WDR90: variants seen among roughly 807,000 people sequenced by gnomAD.
The protein encoded by WDR90 is WD repeat-containing protein 90.
WDR90 carries 238 observed loss-of-function variants against 195.2 expected under a neutral mutation model. The observed-to-expected ratio is 1.22, with a 90% CI of 1.10 to 1.36. The LOEUF (loss-of-function observed/expected upper bound fraction) is 1.36. WDR90 is among the 40% of genes most tolerant of loss of function. The probability of loss-of-function intolerance (pLI) is 0.00; values close to 1 mark genes in which losing one functional copy is unlikely to be tolerated. For synonymous variants in WDR90, 1,265 were observed against 1,052.4 expected, an observed-to-expected ratio of 1.20 and a Z score of -3.91; for missense variants, 2,734 against 2,439.5, an observed-to-expected ratio of 1.12 and a Z score of -2.54.
chr16:658,431 TG>T, intron 22 of WDR90, 87 bp downstream of exon 22: 7 of 1,576,632 alleles, frequency 4.4e-6, no homozygotes, highest in Non-Finnish European at 6.1e-6. Flanking sequence ...TCCAGCTGGG[TG>T]GGGGGCCGTC....
chr16:652,177 T>C, intron 9 of WDR90, 138 bp downstream of exon 9: 1 of 1,103,222 alleles, frequency 9.1e-7, no homozygotes, highest in Admixed American at 2.5e-5. Context: ...GGAGCAGAGC[T>C]GGCGGGAGGC....
chr16:663,647 T>A (rs2037963564), intron 34 of WDR90: 1 of 154,068 alleles, frequency 6.5e-6, no homozygotes. Context: ...AGCTCTGGCC[T>A]GCAGCCTCCT....
In WDR90 at chr16:649,981, G is replaced by A. The variant is rs1245883873; in HGVS notation, c.103-10G>A. 2 of 1,611,392 alleles carry A rather than the reference G, an allele frequency of 1.2e-6. No homozygotes were observed. The highest frequency in any genetic ancestry group is 1.7e-6 in the Non-Finnish European group (2 of 1,179,054). On this transcript the variant is annotated splice_polypyrimidine_tract_variant and intron_variant, in intron 2 of 40. Transcript: ENST00000293879. ...GGTGCTGTCGGTGATGCGGGCTCCC[G>A]CTTCTCCAGGACAAGACCCTGAAGG...
upstream of WDR90, chr16:649,246 G>A: frequency 1.4e-6 from 1 of 715,534 alleles, no homozygotes. Flanking sequence ...GGAGGCCGCT[G>A]ACGTGAGCGG....
rs967363621 is a variant in WDR90 at position 660,298 on chromosome 16, A to G, written c.3288+137A>G. On this transcript the variant is annotated intron_variant, in intron 27 of 40. Transcript: ENST00000293879. ...TGGCCCTTGGGCGCCTGTCCCCTGG[A>G]GGCAACTTCATCCCACACCCCCACC... 7 of 805,244 alleles carry G rather than the reference A, an allele frequency of 8.7e-6. No individual in the cohort carries two copies. The African/African-American group carries it at 1.0e-4, about 12-fold the overall frequency. 49.9% of individuals were successfully genotyped at this position (805,244 alleles called of 1,614,324 possible). A position where few individuals can be genotyped will look rare whatever the true frequency, so the allele number is the denominator to read the frequency against.
chr16:665,840 C>T, intron 35 of WDR90, 39 bp downstream of exon 35: 1 of 1,557,096 alleles, frequency 6.4e-7, no homozygotes, highest in Non-Finnish European at 8.7e-7. Flanking sequence ...GGGATGGGGG[C>T]CTGCTCAGTG....
Position 665,593 on chromosome 16 carries a change from G to A in WDR90, c.4312-86G>A, listed in dbSNP as rs1431185763. 3 of 1,603,462 alleles carry A rather than the reference G, an allele frequency of 1.9e-6. No homozygotes were observed. In the African/African-American group the frequency reaches 4.0e-5, roughly 21 times the overall value. ...CACATGCTCTGGTTTGGACAGCCCG[G>A]CCCTGGGGGCTGGAATAGGAAATGC... On this transcript the variant is annotated intron_variant, in intron 34 of 40. Coordinates refer to ENST00000293879, the MANE Select transcript of WDR90 (RefSeq NM_145294.5).
Position 655,699 on chromosome 16 carries a change from C to T in WDR90, c.1845C>T (p.Ser615=). 1 of 1,592,726 alleles carries T rather than the reference C, an allele frequency of 6.3e-7. No homozygotes were observed. Among genetic ancestry groups the T allele is most frequent in the Non-Finnish European group, 8.6e-7 (1 of 1,169,356 alleles). The change falls in exon 16 of 41, where the codon AGC becomes AGT. Residue 615 remains serine, a synonymous_variant. Transcript: ENST00000293879. ...GGPHPQKQTF[S]SGPGIAISSL... ...CCCACCCACAGAAGCAGACCTTCAG[C>T]TCAGGTAAGAGGGCGCCCACCACGT...
At chr16:651,599 G>A in intron 7 of WDR90, 45 bp from the exon 8 acceptor site, 2 of 1,589,832 alleles carry the variant, frequency 1.3e-6, no homozygotes. Context: ...CCAGGCATCT[G>A]CACAGCTGGC....
At chr16:656,130 C>G (rs2037748636) in intron 17 of WDR90, 172 bp from the exon 18 acceptor site, 1 of 768,312 alleles carries the variant, frequency 1.3e-6, no homozygotes, top group Non-Finnish European at 2.1e-6. Flanking sequence ...CAGCCTGGGT[C>G]CCGCCTAGCC....
intron 13 of WDR90, chr16:654,241 G>T (rs538229570): frequency 3.3e-5 from 6 of 183,358 alleles, no homozygotes; most frequent in African/African-American, 1.4e-4. Flanking sequence ...ACCTAGGCTG[G>T]AATGCAGTGG....
chr16:656,179 G>T (rs1176069213), intron 17 of WDR90, 123 bp from the exon 18 acceptor site: 1 of 975,392 alleles, frequency 1.0e-6, no homozygotes, highest in Non-Finnish European at 1.5e-6. Flanking sequence ...TCTTGCAGCC[G>T]TGTGGAGCCT....
In WDR90 at chr16:650,145, T is replaced by A. The variant is rs1285339585; in HGVS notation, c.257T>A (p.Ile86Asn). Reference protein sequence around the residue: ...FRPLPSKHFVIHLDVSSKDNQ... With the variant: ...FRPLPSKHFVNHLDVSSKDNQ... Reference sequence around the variant, plus strand: ...CCCCTGCCCAGCAAGCACTTCGTCATCCACCTCGATGTGTCCTCCAAGGTA... The same window carrying A: ...CCCCTGCCCAGCAAGCACTTCGTCAACCACCTCGATGTGTCCTCCAAGGTA... The change falls in exon 3 of 41, where the codon ATC becomes AAC. Residue 86 changes from isoleucine (I) to asparagine (N), a missense_variant. Transcript: ENST00000293879. 6.2e-7 allele frequency: 1 copy of A among 1,613,016 alleles called. No homozygotes were observed. Among genetic ancestry groups the A allele is most frequent in the Admixed American group, 1.7e-5 (1 of 60,034 alleles).
chr16:665,304 C>T (rs1159169249), intron 34 of WDR90: 1 of 460,212 alleles, frequency 2.2e-6, no homozygotes, highest in Non-Finnish European at 3.7e-6. Context: ...GGCCACACTC[C>T]TGTCTTTCAG....
intron 2 of WDR90, 46 bp downstream of exon 2, chr16:649,900 C>A: frequency 6.3e-7 from 1 of 1,584,868 alleles, no homozygotes; most frequent in Non-Finnish European, 8.6e-7. Context: ...CTGCCCTGCC[C>A]CCAGGAGAGC....
chr16:666,059 C>T lies in WDR90; in HGVS notation c.4544C>T (p.Thr1515Met), dbSNP rs766903229. 3.0e-5 allele frequency: 48 copies of T among 1,607,888 alleles called. 1 individual carries two copies. In the East Asian group the frequency reaches 3.3e-4, roughly 11 times the overall value. ...GSLRIFSVSR[T>M]AMELKMHPHP... ...CTGCGCATCTTCAGCGTCTCCCGCACGGCCATGGAGCTCAAGATGCACCCC... is the reference window on the plus strand; with the variant it reads ...CTGCGCATCTTCAGCGTCTCCCGCATGGCCATGGAGCTCAAGATGCACCCC... The change falls in exon 36 of 41, where the codon ACG becomes ATG. Residue 1515 changes from threonine to methionine, a missense_variant. Transcript: ENST00000293879.
intron 28 of WDR90, 94 bp from the exon 29 acceptor site, chr16:660,957 C>CCCCCCCCAGGCCCCCCCACCGCCCGGCCT: frequency 2.6e-6 from 1 of 379,748 alleles, no homozygotes; most frequent in Non-Finnish European, 3.2e-6. Context: ...ACGGCTCGGC[C>CCCCCCCCAGGCCCCCCCACCGCCCGGCCT]CAGGCCCCGC....
chr16:663,985 T>C (rs1047776016), intron 34 of WDR90, among the ~76,000 whole-genome samples: 1 of 152,170 alleles, frequency 6.6e-6, no homozygotes, highest in African/African-American at 2.4e-5. Flanking sequence ...CATCATCCAG[T>C]TGCCCCTGGG....
intron 13 of WDR90, 121 bp downstream of exon 13, chr16:653,924 C>T: frequency 3.9e-6 from 5 of 1,292,240 alleles, no homozygotes; most frequent in Non-Finnish European, 5.4e-6. Flanking sequence ...TCTGTGTCCT[C>T]CCTGTGGTGG....
Sources: gnomAD v4.1 joint callset for allele counts (sites outside exome capture counted in the v4.1 genomes callset) on GRCh38, gnomAD v4.1.1 for gene constraint, MANE v1.5 for transcripts, NCBI Gene and HGNC (gene_info 2026-07-23, HGNC 2026-07-21) for gene names.